Variants in ATP2B2 observed in about 807,000 individuals in gnomAD.
The protein encoded by ATP2B2 is ATPase plasma membrane Ca2+ transporting 2.
Under a neutral mutation model 120.0 loss-of-function variants are expected in ATP2B2, and 15 were observed. The observed-to-expected ratio is 0.12, with a 90% confidence interval of 0.08 to 0.19. ATP2B2 has a LOEUF of 0.19. ATP2B2 is among the 10% of genes least tolerant of loss of function. The pLI, the probability that ATP2B2 is intolerant of heterozygous loss-of-function variation, is 1.00. For missense variants in ATP2B2, 1,045 were observed against 1,719.8 expected (o/e 0.61, Z 6.94); for synonymous variants, 694 against 700.3 (o/e 0.99, Z 0.14).
upstream of ATP2B2, among the ~76,000 whole-genome samples, chr3:10,510,144 C>T (rs548828045): frequency 3.1e-4 from 47 of 152,270 alleles, no homozygotes; most frequent in South Asian, 8.3e-4. Flanking sequence ...GAGATTTGAA[C>T]GCAGGTCACC....
Position 10,378,342 on chromosome 3 carries a change from C to T in ATP2B2, c.1111G>A (p.Asp371Asn). The T allele has an allele frequency of 6.2e-7, 1 of 1,608,180 alleles. No homozygotes were observed. Among genetic ancestry groups the T allele is most frequent in the Non-Finnish European group, 8.5e-7 (1 of 1,180,014 alleles). ...PLKSAEGGDA[D>N]DRKKASMHKK... ...TGCATGCTGGCCTTCTTCCTGTCGTCAGCGTCGCCGCCCTCGGCACTCTTG... is the reference window on the plus strand; with the variant it reads ...TGCATGCTGGCCTTCTTCCTGTCGTTAGCGTCGCCGCCCTCGGCACTCTTG... Residue 371 changes from aspartate to asparagine, a missense_variant, in exon 10 of 23, where the codon GAC becomes AAC. Around this residue, in one of 11 missense-constraint regions of ATP2B2, gnomAD observed 145 missense variants for 202.0 expected, o/e 0.72. Transcript: ENST00000360273.
chr3:10,386,514 TG>T lies in ATP2B2; in HGVS notation c.908-3del. ...GAAGGCCATCCCCCTTCTTCACACC[TG>T]TGTGATGATTTTTGAGACATGTTAA... On this transcript the variant is annotated splice_polypyrimidine_tract_variant and splice_region_variant and intron_variant, in intron 6 of 22. Transcript: ENST00000360273. 4 of 1,614,128 alleles carry T rather than the reference TG, an allele frequency of 2.5e-6. No homozygotes were observed. The highest frequency in any genetic ancestry group is 3.4e-6 in the Non-Finnish European group (4 of 1,179,954).
chr3:10,676,414 A>T (rs1575614066), intron 1 of ATP2B2, among the ~76,000 whole-genome samples: 1 of 152,104 alleles, frequency 6.6e-6, no homozygotes. Context: ...TGGGTGATGC[A>T]AGGAGCTGTC....
In ATP2B2 at chr3:10,686,430, G is replaced by A. The variant is rs1020849560; in HGVS notation, c.-460+21485C>T. 3.9e-5 allele frequency among the ~76,000 whole-genome samples: 6 copies of A among 152,224 alleles called. No homozygotes were observed. The South Asian group carries it at 6.2e-4, about 16-fold the overall frequency. On this transcript the variant is annotated intron_variant, in intron 1 of 21. Coordinates refer to the ATP2B2 transcript ENST00000646379. ...AGCACTTTGGGAGGCCGAGGCGGGC[G>A]GATTGCAAGGTCAGGAGATCGAGAC...
Position 10,375,708 on chromosome 3 carries a change from C to A in ATP2B2, c.1202-64G>T. On this transcript the variant is annotated intron_variant, in intron 10 of 22. Coordinates refer to ENST00000360273, the MANE Select transcript of ATP2B2 (RefSeq NM_001001331.4). The surrounding 1 kb of genome is among the most constrained non-coding windows in gnomAD (Gnocchi z 4.2). ...AGTGGAGGCTGGGGGTGGTGTGGAC[C>A]AAATCTTTGGCTGAAAGAGCTCCGG... The A allele has an allele frequency of 6.7e-7, 1 of 1,484,470 alleles. No homozygotes were observed. Among genetic ancestry groups the A allele is most frequent in the Non-Finnish European group, 9.3e-7 (1 of 1,072,394 alleles). The allele number at this position is 1,484,470 out of a possible 1,614,324, so 92.0% of individuals were successfully genotyped here. A position where few individuals can be genotyped will look rare whatever the true frequency, so the allele number is the denominator to read the frequency against.
At chr3:10,384,413 A>T (rs1169109019) in intron 8 of ATP2B2, among the ~76,000 whole-genome samples, 1 of 152,022 alleles carries the variant, frequency 6.6e-6, no homozygotes, top group East Asian at 1.9e-4. Flanking sequence ...AGCCTGGGGG[A>T]CTATTATGTC....
intron 1 of ATP2B2, among the ~76,000 whole-genome samples, chr3:10,702,042 C>T (rs564077062): frequency 6.6e-6 from 1 of 152,270 alleles, no homozygotes; most frequent in Non-Finnish European, 1.5e-5. Context: ...TTTCCAGTCT[C>T]CCAACCTCAT....
chr3:10,686,310 T>C (rs999703589), intron 1 of ATP2B2, among the ~76,000 whole-genome samples: 3 of 152,128 alleles, frequency 2.0e-5, no homozygotes, highest in Non-Finnish European at 4.4e-5. Context: ...GGGACACCCA[T>C]GAGTATCTGT....
At chr3:10,516,515 C>T (rs1042918977) in intron 3 of ATP2B2, among the ~76,000 whole-genome samples, 27 of 152,194 alleles carry the variant, frequency 1.8e-4, no homozygotes, top group African/African-American at 6.5e-4. Context: ...CCTCAGATAC[C>T]ATCCTGTCGT....
intron 2 of ATP2B2, among the ~76,000 whole-genome samples, chr3:10,445,106 G>A (rs763840166): frequency 3.3e-5 from 5 of 152,150 alleles, no homozygotes; most frequent in Non-Finnish European, 5.9e-5. Context: ...AAGGGGATGG[G>A]GCCCATGCAT....
intron 1 of ATP2B2, among the ~76,000 whole-genome samples, chr3:10,675,593 TC>T (rs2071221280): frequency 6.6e-6 from 1 of 152,132 alleles, no homozygotes; most frequent in African/African-American, 2.4e-5. Flanking sequence ...CACCAGGAGT[TC>T]CGGTGTAGCC....
In ATP2B2 at chr3:10,441,738, T is replaced by C. The variant is rs374351208; in HGVS notation, c.199+7607A>G. Among the ~76,000 whole-genome samples, 23 of 152,336 alleles carry C rather than the reference T, an allele frequency of 1.5e-4. No individual in the cohort carries two copies. In the East Asian group the frequency reaches 4.4e-3, roughly 29 times the overall value. ...GCCTGCACATACTAGGTGCATAACA[T>C]ATATTTGTCCAATAAATAAATGTGT... On this transcript the variant is annotated intron_variant, in intron 2 of 22. Coordinates refer to ENST00000360273, the MANE Select transcript of ATP2B2 (RefSeq NM_001001331.4).
intron 2 of ATP2B2, among the ~76,000 whole-genome samples, chr3:10,614,472 A>T (rs959235848): frequency 1.3e-5 from 2 of 152,256 alleles, no homozygotes; most frequent in African/African-American, 2.4e-5. Flanking sequence ...TAACAAACAG[A>T]TGCTCTGAAA....
chr3:10,540,268 G>A (rs1239355883), intron 2 of ATP2B2, among the ~76,000 whole-genome samples: 3 of 152,210 alleles, frequency 2.0e-5, no homozygotes, highest in African/African-American at 7.2e-5. Flanking sequence ...TACACTGTTG[G>A]TGGGACTGTA....
chr3:10,387,696 A>G (rs2061720701), intron 6 of ATP2B2, among the ~76,000 whole-genome samples: 1 of 152,226 alleles, frequency 6.6e-6, no homozygotes, highest in Non-Finnish European at 1.5e-5. Flanking sequence ...AGGAGAGCCC[A>G]GTGAATAAGG....
chr3:10,441,198 T>G (rs988360538), intron 2 of ATP2B2, among the ~76,000 whole-genome samples: 1 of 152,158 alleles, frequency 6.6e-6, no homozygotes, highest in African/African-American at 2.4e-5. Context: ...TTCCTGCCCT[T>G]GGCTGCCATC....
chr3:10,484,659 C>T (rs188956723), intron 1 of ATP2B2, among the ~76,000 whole-genome samples: 2 of 152,260 alleles, frequency 1.3e-5, no homozygotes, highest in East Asian at 1.9e-4. Flanking sequence ...CTGCAGGGCC[C>T]CCATGGCCCT....
intron 4 of ATP2B2, among the ~76,000 whole-genome samples, chr3:10,401,883 C>T (rs921863485): frequency 1.3e-5 from 2 of 152,172 alleles, no homozygotes; most frequent in African/African-American, 4.8e-5. Flanking sequence ...ATGTACTTGT[C>T]ATTTCTGATT....
In ATP2B2 at chr3:10,485,895, T is replaced by G. The variant is rs953774875; in HGVS notation, c.-320+19570A>C. Reference sequence around the variant, plus strand: ...TGCTGTGTGCCAGAACCCTGTGAGATCCATGCTCTGAGCACCCACCCCACA... The same window carrying G: ...TGCTGTGTGCCAGAACCCTGTGAGAGCCATGCTCTGAGCACCCACCCCACA... On this transcript the variant is annotated intron_variant, in intron 1 of 22. Coordinates refer to ENST00000360273, the MANE Select transcript of ATP2B2 (RefSeq NM_001001331.4). Among the ~76,000 whole-genome samples, 3 of 151,990 alleles carry G rather than the reference T, an allele frequency of 2.0e-5. 1 individual carries two copies. The highest frequency in any genetic ancestry group is 2.0e-4 in the Admixed American group (3 of 15,264).
Sources: gnomAD v4.1 joint callset for allele counts (sites outside exome capture counted in the v4.1 genomes callset) on GRCh38, gnomAD v4.1.1 for gene constraint, gnomAD v4.1.1 regional missense constraint, Gnocchi (gnomAD v3.1) non-coding constraint, MANE v1.5 for transcripts, NCBI Gene and HGNC (gene_info 2026-07-23, HGNC 2026-07-21) for gene names.